The following RARB variants were observed in gnomAD, a reference collection of about 807,000 sequenced individuals.
The protein encoded by RARB is HBV-activated protein.
A neutral mutation model predicts 51.9 loss-of-function variants in RARB; 17 were observed. That is an observed-to-expected ratio of 0.33 (90% CI 0.22 to 0.49). The LOEUF (loss-of-function observed/expected upper bound fraction) is 0.49, where lower values mean the gene tolerates loss of function less well. Among genes scored for constraint, RARB ranks in the 20% least tolerant of loss-of-function variants. The pLI, the probability that RARB is intolerant of heterozygous loss-of-function variation, is 0.99. For synonymous variants in RARB, 215 were observed against 195.4 expected (o/e 1.10, Z -0.84); for missense variants, 369 against 550.8 (o/e 0.67, Z 3.30).
intron 5 of RARB, among the ~76,000 whole-genome samples, chr3:25,328,440 A>C (rs979148400): frequency 2.0e-5 from 3 of 152,250 alleles, no homozygotes; most frequent in Non-Finnish European, 2.9e-5. Context: ...GAATTGCTTG[A>C]ACCCAAGAAG....
rs535269084 is a variant in RARB at position 25,038,981 on chromosome 3, T to C, written c.-379-21144T>C. Reference sequence around the variant, plus strand: ...TAATTCAGGTTCAGGCTTTGACCTATAGACAGAGGAGCAGCTACTTTGCTT... The same window carrying C: ...TAATTCAGGTTCAGGCTTTGACCTACAGACAGAGGAGCAGCTACTTTGCTT... On this transcript the variant is annotated intron_variant, in intron 2 of 11. Coordinates refer to the RARB transcript ENST00000383772. 2.0e-5 allele frequency among the ~76,000 whole-genome samples: 3 copies of C among 152,334 alleles called. No individual in the cohort carries two copies. In the South Asian group the frequency reaches 6.2e-4, roughly 32 times the overall value.
At chr3:25,274,823 G>A (rs13084418) in intron 5 of RARB, among the ~76,000 whole-genome samples, 16,155 of 151,980 alleles carry the variant, frequency 0.11, 1,025 homozygotes, top group South Asian at 0.25. Flanking sequence ...AGGCATCTTA[G>A]GGCTCAGGGT....
intron 5 of RARB, among the ~76,000 whole-genome samples, chr3:25,228,771 A>G (rs993862041): frequency 7.2e-5 from 11 of 152,110 alleles, no homozygotes; most frequent in African/African-American, 2.7e-4. Flanking sequence ...GCACACATGC[A>G]GGAAGTAAGT....
intron 2 of RARB, among the ~76,000 whole-genome samples, chr3:24,950,761 T>C (rs913272354): frequency 3.4e-5 from 5 of 149,208 alleles, no homozygotes; most frequent in Non-Finnish European, 5.9e-5. Context: ...GGATATCATA[T>C]AAATATTATA....
At position 25,210,412 on chromosome 3, in the gene RARB, C is replaced by T. The variant is rs73147387; in HGVS notation, c.178+35837C>T. On this transcript the variant is annotated intron_variant, in intron 5 of 11. Transcript: ENST00000383772. ...AGCCTACTTGAGTGAACAAGATTTTCTTGAAACCCAGCTATGCCCATTCAC... is the reference window on the plus strand; with the variant it reads ...AGCCTACTTGAGTGAACAAGATTTTTTTGAAACCCAGCTATGCCCATTCAC... Among the ~76,000 whole-genome samples the T allele has an allele frequency of 4.5e-3, 680 of 151,930 alleles. 8 individuals are homozygous for T. Among genetic ancestry groups the T allele is most frequent in the African/African-American group, 0.015 (638 of 41,446 alleles).
intron 3 of RARB, among the ~76,000 whole-genome samples, chr3:25,066,303 G>A (rs777026035): frequency 6.6e-6 from 1 of 152,146 alleles, no homozygotes; most frequent in Admixed American, 6.5e-5. Flanking sequence ...TCAATGTCTG[G>A]TACTCATCAG....
chr3:25,419,495 T>C (rs148248555), intron 5 of RARB, among the ~76,000 whole-genome samples: 3 of 152,266 alleles, frequency 2.0e-5, no homozygotes, highest in Non-Finnish European at 4.4e-5. Flanking sequence ...ACTAAAGCTT[T>C]GGTCAAAGGA....
chr3:25,261,848 TTC>T (rs1703006355), intron 5 of RARB, among the ~76,000 whole-genome samples: 1 of 152,142 alleles, frequency 6.6e-6, no homozygotes, highest in South Asian at 2.1e-4. Context: ...TGGGGCACTA[TTC>T]CCAAAATTCG....
intron 2 of RARB, among the ~76,000 whole-genome samples, chr3:24,923,704 T>G (rs757246056): frequency 6.6e-6 from 1 of 152,136 alleles, no homozygotes; most frequent in Non-Finnish European, 1.5e-5. Context: ...GCTAGCTGAA[T>G]CACGTGGAAT....
At chr3:25,090,365 A>G (rs919858984) in intron 3 of RARB, among the ~76,000 whole-genome samples, 1 of 152,136 alleles carries the variant, frequency 6.6e-6, no homozygotes, top group Non-Finnish European at 1.5e-5. Flanking sequence ...TTGCATTTCA[A>G]AAACAATGTT....
intron 2 of RARB, among the ~76,000 whole-genome samples, chr3:25,473,619 A>G (rs1014985304): frequency 1.3e-5 from 2 of 152,162 alleles, no homozygotes; most frequent in African/African-American, 4.8e-5. Context: ...CTTGTCACCA[A>G]ACTTGTCAGT....
At chr3:25,284,343 A>C (rs2125417546) in intron 5 of RARB, among the ~76,000 whole-genome samples, 1 of 152,314 alleles carries the variant, frequency 6.6e-6, no homozygotes, top group Admixed American at 6.5e-5. Flanking sequence ...CCTGACCTGA[A>C]GAAACTATGA....
chr3:25,202,636 CTT>C (rs1678106588), intron 5 of RARB, among the ~76,000 whole-genome samples: 1 of 152,100 alleles, frequency 6.6e-6, no homozygotes, highest in African/African-American at 2.4e-5. Context: ...TATGTTGTGT[CTT>C]TGTTCTCCTT....
At chr3:25,282,677 G>T (rs1431979312) in intron 5 of RARB, among the ~76,000 whole-genome samples, 2 of 152,134 alleles carry the variant, frequency 1.3e-5, no homozygotes, top group Non-Finnish European at 2.9e-5. Context: ...TGGCAGAGAG[G>T]AAGCCAGGGC....
intron 2 of RARB, among the ~76,000 whole-genome samples, chr3:25,010,987 C>T (rs1184655724): frequency 1.3e-5 from 2 of 152,108 alleles, no homozygotes; most frequent in Non-Finnish European, 2.9e-5. Context: ...GCTCAGCATG[C>T]ATCTTTCCTG....
At chr3:25,525,312 C>T (rs751113589) in intron 3 of RARB, among the ~76,000 whole-genome samples, 1 of 152,050 alleles carries the variant, frequency 6.6e-6, no homozygotes. Context: ...AGGGGAGAGG[C>T]AGAGGACAGA....
intron 2 of RARB, among the ~76,000 whole-genome samples, chr3:24,886,184 G>A (rs992498227): frequency 7.2e-5 from 11 of 152,104 alleles, no homozygotes; most frequent in African/African-American, 2.4e-4. Context: ...TCTTTTCTGT[G>A]AGGCAAATTT....
chr3:25,134,655 C>T (rs1323115888), intron 4 of RARB, among the ~76,000 whole-genome samples: 1 of 151,936 alleles, frequency 6.6e-6, no homozygotes, highest in Non-Finnish European at 1.5e-5. Flanking sequence ...CTCCATTCTT[C>T]TCATCAATAG....
intron 2 of RARB, among the ~76,000 whole-genome samples, chr3:24,936,637 C>T (rs1695554045): frequency 6.6e-6 from 1 of 152,186 alleles, no homozygotes; most frequent in African/African-American, 2.4e-5. Context: ...ATATAATCAT[C>T]TCTGCATAAT....
Sources: gnomAD v4.1 joint callset for allele counts (sites outside exome capture counted in the v4.1 genomes callset) on GRCh38, gnomAD v4.1.1 for gene constraint, MANE v1.5 for transcripts, NCBI Gene and HGNC (gene_info 2026-07-23, HGNC 2026-07-21) for gene names.